THSD7A: variants seen among roughly 807,000 people sequenced by gnomAD.
The protein encoded by THSD7A is thrombospondin type 1 domain containing 7A, also known as thrombospondin type-1 domain-containing protein 7A.
Under a neutral mutation model 231.3 loss-of-function variants are expected in THSD7A, and 96 were observed. The ratio of observed to expected loss-of-function variants is 0.41; its 90% confidence interval spans 0.35 to 0.49. The LOEUF is 0.49. Among genes scored for constraint, THSD7A ranks in the 20% least tolerant of loss-of-function variants. THSD7A has a pLI of 0.05. For synonymous variants in THSD7A, 940 were observed against 743.3 expected, an observed-to-expected ratio of 1.26 and a Z score of -4.30; for missense variants, 2,290 against 2,070.2, an observed-to-expected ratio of 1.11 and a Z score of -2.06.
intron 13 of THSD7A, among the ~76,000 whole-genome samples, chr7:11,441,100 A>G (rs1258190332): frequency 1.3e-5 from 2 of 152,052 alleles, no homozygotes; most frequent in African/African-American, 4.8e-5. Flanking sequence ...CCAGCTTTTT[A>G]TTCATCCATT....
At chr7:11,722,876 G>A (rs552986611) in intron 1 of THSD7A, among the ~76,000 whole-genome samples, 203 of 152,116 alleles carry the variant, frequency 1.3e-3, no homozygotes, top group Non-Finnish European at 2.4e-3. Flanking sequence ...TACACTGCTG[G>A]TGGGACTGTA....
intron 13 of THSD7A, among the ~76,000 whole-genome samples, chr7:11,435,402 C>T (rs1039644749): frequency 1.4e-4 from 22 of 152,034 alleles, no homozygotes; most frequent in African/African-American, 2.2e-4. Flanking sequence ...CTGGTCACAC[C>T]GGAGAGACCA....
intron 1 of THSD7A, among the ~76,000 whole-genome samples, chr7:11,690,255 G>C (rs75002214): frequency 0.018 from 2,757 of 151,880 alleles, 94 homozygotes; most frequent in African/African-American, 0.062. Flanking sequence ...AGGTAGTCAT[G>C]TATTTTCGAA....
intron 2 of THSD7A, among the ~76,000 whole-genome samples, chr7:11,599,243 G>C (rs995617894): frequency 2.0e-5 from 3 of 152,162 alleles, no homozygotes; most frequent in African/African-American, 7.2e-5. Context: ...ATCCAGGCAG[G>C]ACTACAACTG....
Position 11,663,285 on chromosome 7 carries a change from G to A in THSD7A, c.191-26324C>T, listed in dbSNP as rs891869272. ...GAAAAATAAATGAAATAAATTCCTA[G>A]ACAAATATGACTTATCAAAAATGAC... On this transcript the variant is annotated intron_variant, in intron 1 of 27. Transcript: ENST00000423059. Among the ~76,000 whole-genome samples, 4 of 151,348 alleles carry A rather than the reference G, an allele frequency of 2.6e-5. No individual in the cohort carries two copies. In the South Asian group the frequency reaches 8.3e-4, roughly 31 times the overall value.
chr7:11,762,808 A>C (rs1782908047), intron 1 of THSD7A, among the ~76,000 whole-genome samples: 1 of 151,230 alleles, frequency 6.6e-6, no homozygotes, highest in Non-Finnish European at 1.5e-5. Context: ...ATTATAGATG[A>C]CACAAACAAA....
intron 7 of THSD7A, among the ~76,000 whole-genome samples, chr7:11,476,745 G>T (rs1038257024): frequency 1.1e-4 from 16 of 151,484 alleles, no homozygotes; most frequent in African/African-American, 3.9e-4. Flanking sequence ...AGCCTGGGAG[G>T]TGGAGGTTGC....
intron 1 of THSD7A, among the ~76,000 whole-genome samples, chr7:11,756,455 G>T (rs145766498): frequency 6.6e-6 from 1 of 152,134 alleles, no homozygotes; most frequent in Non-Finnish European, 1.5e-5. Context: ...AGTGGGGAGA[G>T]AAATTCTCTG....
chr7:11,515,048 G>A (rs1787972566), intron 6 of THSD7A, among the ~76,000 whole-genome samples: 1 of 152,094 alleles, frequency 6.6e-6, no homozygotes, highest in Non-Finnish European at 1.5e-5. Flanking sequence ...AGTGATAAAT[G>A]ATTTTATGCA....
intron 8 of THSD7A, among the ~76,000 whole-genome samples, chr7:11,472,007 T>A (rs1785958980): frequency 6.6e-6 from 1 of 152,086 alleles, no homozygotes; most frequent in Non-Finnish European, 1.5e-5. Context: ...ATTGACAACC[T>A]CCAAATATTC....
chr7:11,482,807 G>A (rs1357533690), intron 6 of THSD7A, among the ~76,000 whole-genome samples: 1 of 152,062 alleles, frequency 6.6e-6, no homozygotes, highest in Non-Finnish European at 1.5e-5. Context: ...GCCCAAAAAT[G>A]GACACTTATT....
At chr7:11,785,727 A>G (rs2128176126) in intron 1 of THSD7A, among the ~76,000 whole-genome samples, 1 of 152,252 alleles carries the variant, frequency 6.6e-6, no homozygotes, top group East Asian at 1.9e-4. Flanking sequence ...ATTCACATGT[A>G]TTGTATTCAC....
At chr7:11,648,912 C>T (rs1782388540) in intron 1 of THSD7A, among the ~76,000 whole-genome samples, 5 of 151,802 alleles carry the variant, frequency 3.3e-5, no homozygotes, top group African/African-American at 4.8e-5. Context: ...TTCCAAGTGC[C>T]GTGTATGATG....
intron 1 of THSD7A, among the ~76,000 whole-genome samples, chr7:11,650,404 T>A (rs1013612663): frequency 6.6e-6 from 1 of 152,034 alleles, no homozygotes; most frequent in African/African-American, 2.4e-5. Context: ...CTACAATGCA[T>A]CCCAAGATAC....
intron 22 of THSD7A, among the ~76,000 whole-genome samples, chr7:11,402,287 A>T (rs1783433005): frequency 6.6e-6 from 1 of 152,310 alleles, no homozygotes; most frequent in South Asian, 2.1e-4. Context: ...ACCTACTATC[A>T]TTCTTGTCAT....
At chr7:11,477,424 G>C (rs924860745) in intron 7 of THSD7A, among the ~76,000 whole-genome samples, 1 of 152,094 alleles carries the variant, frequency 6.6e-6, no homozygotes, top group African/African-American at 2.4e-5. Context: ...CTTCATTATT[G>C]ATAATGCTAA....
intron 1 of THSD7A, among the ~76,000 whole-genome samples, chr7:11,657,822 A>T (rs1255700325): frequency 1.3e-5 from 2 of 151,798 alleles, no homozygotes; most frequent in Non-Finnish European, 2.9e-5. Context: ...ATTGCTCCTT[A>T]ATAAATTCTT....
intron 1 of THSD7A, among the ~76,000 whole-genome samples, chr7:11,715,972 G>C (rs975665212): frequency 1.3e-5 from 2 of 151,474 alleles, no homozygotes; most frequent in African/African-American, 4.8e-5. Context: ...ATATACCTTA[G>C]AGTGATCTAA....
chr7:11,449,036 T>A (rs947556540), intron 11 of THSD7A, among the ~76,000 whole-genome samples: 1 of 152,104 alleles, frequency 6.6e-6, no homozygotes, highest in Non-Finnish European at 1.5e-5. Flanking sequence ...TGGTACTCTG[T>A]TTAATCATAG....
Sources: gnomAD v4.1 joint callset for allele counts (sites outside exome capture counted in the v4.1 genomes callset) on GRCh38, gnomAD v4.1.1 for gene constraint, MANE v1.5 for transcripts, NCBI Gene and HGNC (gene_info 2026-07-23, HGNC 2026-07-21) for gene names.